The following FSTL4 variants were observed in gnomAD, a reference collection of about 807,000 sequenced individuals.
FSTL4 encodes follistatin like 4, also known as follistatin-related protein 4.
Under a neutral mutation model 78.2 loss-of-function variants are expected in FSTL4, and 28 were observed. That is an observed-to-expected ratio of 0.36 (90% CI 0.27 to 0.49). FSTL4 has a LOEUF of 0.49. Ranked by LOEUF, FSTL4 falls within the 20% of genes least tolerant of loss-of-function variation. The pLI is 0.98. For missense variants in FSTL4, 922 were observed against 1,084.9 expected, an observed-to-expected ratio of 0.85 and a Z score of 2.11; for synonymous variants, 422 against 440.5, an observed-to-expected ratio of 0.96 and a Z score of 0.53.
At chr5:133,322,798 G>A (rs1003434190) in intron 4 of FSTL4, among the ~76,000 whole-genome samples, 6 of 152,332 alleles carry the variant, frequency 3.9e-5, no homozygotes, top group Non-Finnish European at 5.9e-5. Flanking sequence ...AGCTGCAGGT[G>A]CCTGGGATTG....
At position 133,583,163 on chromosome 5, in the gene FSTL4, C is replaced by T. The variant is rs944692758; in HGVS notation, c.127-15944G>A. 1.9e-4 allele frequency: 84 copies of T among 434,096 alleles called. No individual in the cohort carries two copies. The Admixed American group carries it at 2.1e-3, about 11-fold the overall frequency. 26.9% of individuals were successfully genotyped at this position (434,096 alleles called of 1,614,324 possible). Reference sequence around the variant, plus strand: ...GGCCAGTGGAAGAGTCAGCAAACACCAGCACATTCCCACTGGGTTTCCTGA... The same window carrying T: ...GGCCAGTGGAAGAGTCAGCAAACACTAGCACATTCCCACTGGGTTTCCTGA... On this transcript the variant is annotated intron_variant, in intron 2 of 15. Coordinates refer to ENST00000265342, the MANE Select transcript of FSTL4 (RefSeq NM_015082.2).
intron 3 of FSTL4, among the ~76,000 whole-genome samples, chr5:133,541,467 A>G (rs1376969563): frequency 6.6e-6 from 1 of 152,142 alleles, no homozygotes; most frequent in African/African-American, 2.4e-5. Context: ...TTTGGCCTCG[A>G]AGTCCTACAG....
At chr5:133,767,747 TG>T in the FSTL4 span, among the ~76,000 whole-genome samples, 2 of 152,208 alleles carry the variant, frequency 1.3e-5, no homozygotes, top group Non-Finnish European at 2.9e-5. Context: ...GATGCCTGGA[TG>T]CCATCAATAA....
At chr5:133,599,196 CA>C (rs1303602762) in intron 2 of FSTL4, among the ~76,000 whole-genome samples, 1 of 152,154 alleles carries the variant, frequency 6.6e-6, no homozygotes, top group African/African-American at 2.4e-5. Flanking sequence ...CTTAGCAGCC[CA>C]AGTACTACTG....
chr5:133,461,399 T>C (rs947208186), intron 3 of FSTL4, among the ~76,000 whole-genome samples: 3 of 152,198 alleles, frequency 2.0e-5, no homozygotes, highest in Admixed American at 6.5e-5. Context: ...CATTTCTAGG[T>C]AGTTTACTGG....
intron 7 of FSTL4, among the ~76,000 whole-genome samples, chr5:133,240,686 G>A (rs770041354): frequency 4.6e-5 from 7 of 152,062 alleles, no homozygotes; most frequent in East Asian, 3.9e-4. Flanking sequence ...TCATCTCTTC[G>A]CGCATGACTC....
intron 3 of FSTL4, among the ~76,000 whole-genome samples, chr5:133,454,802 G>C (rs572539787): frequency 5.3e-5 from 8 of 152,114 alleles, no homozygotes; most frequent in Non-Finnish European, 1.0e-4. Flanking sequence ...TCTTTTCTGT[G>C]GGGGGTGGTC....
intron 6 of FSTL4, among the ~76,000 whole-genome samples, chr5:133,291,406 A>C (rs1229254234): frequency 6.6e-6 from 1 of 152,172 alleles, no homozygotes; most frequent in African/African-American, 2.4e-5. Context: ...ATCAGGTTTT[A>C]CTGGAACACA....
chr5:133,701,509 A>ACC, the FSTL4 span, among the ~76,000 whole-genome samples: 1,693 of 132,578 alleles, frequency 0.013, 45 homozygotes, highest in Middle Eastern at 0.042. Context: ...ACACACACAC[A>ACC]CCCCACAGGC....
At chr5:133,826,961 G>A in the FSTL4 span, among the ~76,000 whole-genome samples, 1 of 152,220 alleles carries the variant, frequency 6.6e-6, no homozygotes, top group African/African-American at 2.4e-5. Flanking sequence ...TCTGAGAACA[G>A]GCCTTGCCCT....
chr5:133,349,295 C>CTGTGTGTGTG (rs1554107119), intron 4 of FSTL4, among the ~76,000 whole-genome samples: 129 of 139,754 alleles, frequency 9.2e-4, no homozygotes, highest in Admixed American at 1.6e-3. Flanking sequence ...GCCTCTCTCT[C>CTGTGTGTGTG]TGTGTGTGTG....
In FSTL4 at chr5:133,559,258, C is replaced by T. The variant is rs1044097355; in HGVS notation, c.160+7928G>A. Among the ~76,000 whole-genome samples the T allele has an allele frequency of 2.7e-4, 41 of 152,328 alleles. 2 individuals carry two copies. Among genetic ancestry groups the T allele is most frequent in the Admixed American group, 2.3e-3 (35 of 15,294 alleles). On this transcript the variant is annotated intron_variant, in intron 3 of 15. Coordinates refer to ENST00000265342, the MANE Select transcript of FSTL4 (RefSeq NM_015082.2). ...CACATTAATATGCTGGGGCAAATAG[C>T]TTAATGAGGTTTGAAAAGGGCTTCA...
the FSTL4 span, among the ~76,000 whole-genome samples, chr5:133,625,818 CATATATATATTCCAT>C: frequency 5.4e-3 from 12 of 2,242 alleles, no homozygotes; most frequent in Non-Finnish European, 0.011. Flanking sequence ...ATATATATTC[CATATATATATTCCAT>C]ATATATATTC....
the FSTL4 span, among the ~76,000 whole-genome samples, chr5:133,830,207 G>A: frequency 4.6e-5 from 7 of 152,366 alleles, no homozygotes; most frequent in Admixed American, 3.9e-4. Context: ...CCCCAGTCAA[G>A]GTGAAAGGAT....
the FSTL4 span, among the ~76,000 whole-genome samples, chr5:133,819,504 ACTCAGC>A: frequency 6.6e-6 from 1 of 152,052 alleles, no homozygotes; most frequent in Non-Finnish European, 1.5e-5. Flanking sequence ...GTGCAACGAC[ACTCAGC>A]CTGAGGGGTG....
intron 6 of FSTL4, among the ~76,000 whole-genome samples, chr5:133,291,174 G>A (rs1753255139): frequency 6.6e-6 from 1 of 152,212 alleles, no homozygotes; most frequent in African/African-American, 2.4e-5. Context: ...AGGGGAGTTT[G>A]GGGGAAGAGC....
At chr5:133,211,769 C>T (rs938485543) in intron 13 of FSTL4, among the ~76,000 whole-genome samples, 3 of 152,074 alleles carry the variant, frequency 2.0e-5, no homozygotes, top group African/African-American at 7.2e-5. Context: ...TCATCTTTGA[C>T]TGTCTTCTCT....
At chr5:133,462,407 A>G (rs1177966391) in intron 3 of FSTL4, among the ~76,000 whole-genome samples, 1 of 152,224 alleles carries the variant, frequency 6.6e-6, no homozygotes, top group African/African-American at 2.4e-5. Flanking sequence ...TCACTCCAAG[A>G]TGTAGAAAAC....
chr5:133,383,891 C>T (rs908737751), intron 4 of FSTL4, among the ~76,000 whole-genome samples: 9 of 152,226 alleles, frequency 5.9e-5, no homozygotes, highest in African/African-American at 2.2e-4. Context: ...CCTCTCCCTC[C>T]AATTGTGGAC....
Sources: allele counts gnomAD v4.1 joint callset (sites outside exome capture counted in the v4.1 genomes callset), GRCh38; gene constraint gnomAD v4.1.1; transcripts MANE v1.5; gene names NCBI Gene and HGNC (gene_info 2026-07-23, HGNC 2026-07-21).